Variants in ZNF460 observed in about 807,000 individuals in gnomAD.
The protein encoded by ZNF460 is zinc finger protein 272.
Under a neutral mutation model 8.4 loss-of-function variants are expected in ZNF460, and 1 was observed. The ratio of observed to expected loss-of-function variants is 0.12; its 90% CI spans 0.04 to 0.56. The LOEUF (loss-of-function observed/expected upper bound fraction) is 0.56. Among genes scored for constraint, ZNF460 ranks in the 20% least tolerant of loss-of-function variants. The pLI is 0.91. For missense variants in ZNF460, 477 were observed against 714.8 expected (o/e 0.67, Z 3.79); for synonymous variants, 262 against 259.9 (o/e 1.01, Z -0.08).
In ZNF460 at chr19:57,292,208, T is replaced by C; in HGVS notation, c.1667T>C (p.Val556Ala). ...SSSLDINGFI[V>A]EETLPL ...TCACTCGACATCAACGGATTCATAG[T>C]GGAAGAAACCCTACCATTGTAACAG... is the stretch of plus-strand genomic sequence containing the variant. The change falls in exon 3 of 3, where the codon GTG becomes GCG. Residue 556 changes from valine to alanine, a missense_variant. Physicochemically the swap from Val to Ala is moderately conservative, Grantham distance 64. This residue lies in a region of ZNF460 where 83 missense variants were observed against 82.3 expected (regional missense o/e 1.01). Transcript: ENST00000360338. The C allele has an allele frequency of 3.1e-6, 5 of 1,612,742 alleles. No homozygotes were observed. The highest frequency in any genetic ancestry group is 4.2e-6 in the Non-Finnish European group (5 of 1,178,864).
chr19:57,284,838 CAG>C (rs1185282499), intron 2 of ZNF460, among the ~76,000 whole-genome samples, 161 bp downstream of exon 2: 1 of 137,064 alleles, frequency 7.3e-6, no homozygotes, highest in African/African-American at 2.9e-5. Context: ...TTTTTGGAGA[CAG>C]AGTTTCGCTC....
Position 57,280,664 on chromosome 19 carries a change from C to T in ZNF460, c.-143C>T. 2 of 1,232,252 alleles carry T rather than the reference C, an allele frequency of 1.6e-6. No individual in the cohort carries two copies. The highest frequency in any genetic ancestry group is 2.8e-4 in the Middle Eastern group (1 of 3,588). 76.3% of individuals were successfully genotyped at this position (1,232,252 alleles called of 1,614,324 possible). A position where few individuals can be genotyped will look rare whatever the true frequency, so the allele number is the denominator to read the frequency against. ...CTAGGCCTCCGCAGCCGCCCTCCGT[C>T]TCCTCAGCCCCGACGCTGCGCCTTG... On this transcript the variant is annotated 5_prime_UTR_variant, in exon 1 of 3. Transcript: ENST00000360338.
chr19:57,283,704 G>T (rs1231080504), intron 1 of ZNF460, among the ~76,000 whole-genome samples: 1 of 150,742 alleles, frequency 6.6e-6, no homozygotes, highest in East Asian at 2.0e-4. Context: ...GTCTCACCAT[G>T]TTGGCCAGGC....
At chr19:57,284,064 G>A (rs1310150420) in intron 1 of ZNF460, among the ~76,000 whole-genome samples, 3 of 151,992 alleles carry the variant, frequency 2.0e-5, no homozygotes. Context: ...TGGTGGTGAT[G>A]TTTTTATTAT....
intron 1 of ZNF460, among the ~76,000 whole-genome samples, chr19:57,282,438 G>A (rs2087847172): frequency 6.6e-6 from 1 of 152,146 alleles, no homozygotes; most frequent in African/African-American, 2.4e-5. Flanking sequence ...GGAAGCGATG[G>A]CTCATTGTGA....
At chr19:57,282,511 C>G (rs1962935995) in intron 1 of ZNF460, among the ~76,000 whole-genome samples, 1 of 152,198 alleles carries the variant, frequency 6.6e-6, no homozygotes, top group South Asian at 2.1e-4. Context: ...TCAGGTGATT[C>G]TTTGGTGAGG....
Position 57,282,264 on chromosome 19 carries a change from T to G in ZNF460, c.30+1428T>G, listed in dbSNP as rs138423422. Among the ~76,000 whole-genome samples, 3 of 152,256 alleles carry G rather than the reference T, an allele frequency of 2.0e-5. No individual in the cohort carries two copies. In the East Asian group the frequency reaches 5.8e-4, roughly 29 times the overall value. Reference sequence around the variant, plus strand: ...ATTCTGAGAGGGCACGTTTGTATGGTTATGTTGCTGAATGTACCCTCCTAC... The same window carrying G: ...ATTCTGAGAGGGCACGTTTGTATGGGTATGTTGCTGAATGTACCCTCCTAC... On this transcript the variant is annotated intron_variant, in intron 1 of 2. Transcript: ENST00000360338.
intron 1 of ZNF460, among the ~76,000 whole-genome samples, chr19:57,282,655 C>T (rs1036285514): frequency 3.3e-5 from 5 of 152,096 alleles, no homozygotes; most frequent in East Asian, 1.9e-4. Context: ...CATAATCAGA[C>T]CAGAGGGCCC....
At position 57,291,320 on chromosome 19, in the gene ZNF460, C is replaced by T; in HGVS notation, c.779C>T (p.Thr260Ile). The change falls in exon 3 of 3, where the codon ACC becomes ATC. Residue 260 changes from threonine to isoleucine, a missense_variant. This residue lies in a region of ZNF460 where 193 missense variants were observed against 391.7 expected (regional missense o/e 0.49). Transcript: ENST00000360338. The surrounding 1 kb of genome is among the most constrained non-coding windows in gnomAD (Gnocchi z 8.4). ...KPFVCSECGRTFNRGSHLTRH... is the reference protein window; with the variant it reads ...KPFVCSECGRIFNRGSHLTRH... Reference sequence around the variant, plus strand: ...TTTGTGTGCAGTGAATGTGGAAGGACCTTCAATCGCGGGTCGCACCTTACA... The same window carrying T: ...TTTGTGTGCAGTGAATGTGGAAGGATCTTCAATCGCGGGTCGCACCTTACA... The T allele has an allele frequency of 6.2e-7, 1 of 1,613,612 alleles. No individual in the cohort carries two copies. The highest frequency in any genetic ancestry group is 8.5e-7 in the Non-Finnish European group (1 of 1,179,930).
chr19:57,286,454 C>A (rs983294042), intron 2 of ZNF460, among the ~76,000 whole-genome samples: 1 of 152,070 alleles, frequency 6.6e-6, no homozygotes, highest in Non-Finnish European at 1.5e-5. Context: ...CCTTGGGCTT[C>A]CATATTCTCT....
At chr19:57,284,368 C>A (rs975733590) in intron 1 of ZNF460, among the ~76,000 whole-genome samples, 183 bp from the exon 2 acceptor site, 1 of 152,094 alleles carries the variant, frequency 6.6e-6, no homozygotes, top group African/African-American at 2.4e-5. Flanking sequence ...CTCTTCACTG[C>A]TGTAATCCAT....
rs373571217 is a variant in ZNF460 at position 57,290,920 on chromosome 19, G to A, written c.379G>A (p.Glu127Lys). ...KLHGKMSLEH[E>K]GLATADGICS... is the part of the protein sequence containing the mutation. Reference sequence around the variant, plus strand: ...CCATGGGAAAATGAGCCTTGAACACGAAGGTTTGGCGACAGCTGATGGTAT... The same window carrying A: ...CCATGGGAAAATGAGCCTTGAACACAAAGGTTTGGCGACAGCTGATGGTAT... Residue 127 changes from glutamate to lysine, a missense_variant, in exon 3 of 3, where the codon GAA (glutamate) becomes AAA (lysine). This residue lies in a region of ZNF460 where 169 missense variants were observed against 178.6 expected (regional missense o/e 0.95). Transcript: ENST00000360338. 1.3e-4 allele frequency: 206 copies of A among 1,614,094 alleles called. No homozygotes were observed. Among genetic ancestry groups the A allele is most frequent in the Non-Finnish European group, 1.7e-4 (198 of 1,180,058 alleles).
At chr19:57,284,360 C>T (rs140829626) in intron 1 of ZNF460, among the ~76,000 whole-genome samples, 191 bp from the exon 2 acceptor site, 5 of 152,150 alleles carry the variant, frequency 3.3e-5, no homozygotes, top group African/African-American at 1.2e-4. Flanking sequence ...TCTGTCTCCT[C>T]TTCACTGCTG....
In ZNF460 at chr19:57,291,784, A is replaced by T; in HGVS notation, c.1243A>T (p.Thr415Ser). The T allele has an allele frequency of 6.2e-7, 1 of 1,614,182 alleles. No homozygotes were observed. The highest frequency in any genetic ancestry group is 8.5e-7 in the Non-Finnish European group (1 of 1,180,032). Reference protein sequence around the residue: ...KDLIRHFNIHTGEKPYECLQC... With the variant: ...KDLIRHFNIHSGEKPYECLQC... The stretch of plus-strand genomic sequence containing the variant: ...CCTCATTCGACACTTCAACATCCAC[A>T]CTGGAGAGAAGCCCTATGAGTGTTT... The change falls in exon 3 of 3, where the codon ACT becomes TCT. Residue 415 changes from threonine (T) to serine (S), a missense_variant. Physicochemically the swap from Thr to Ser is moderately conservative, Grantham distance 58. This residue lies in a region of ZNF460 where 193 missense variants were observed against 391.7 expected (regional missense o/e 0.49). Coordinates refer to ENST00000360338, the MANE Select transcript of ZNF460 (RefSeq NM_006635.4). This position sits in a 1 kb window ranked among gnomAD's most constrained non-coding sequence, Gnocchi z 8.4.
At position 57,291,298 on chromosome 19, in the gene ZNF460, G is replaced by T. The variant is rs752335930; in HGVS notation, c.757G>T (p.Val253Leu). The part of the protein sequence containing the change: ...QRTHNGDKPF[V>L]CSECGRTFNR... ...GACTCACAATGGAGATAAGCCCTTT[G>T]TGTGCAGTGAATGTGGAAGGACCTT... Residue 253 changes from valine (V) to leucine (L), a missense_variant, in exon 3 of 3, where the codon GTG becomes TTG. Coordinates refer to ENST00000360338, the MANE Select transcript of ZNF460 (RefSeq NM_006635.4). This position sits in a 1 kb window ranked among gnomAD's most constrained non-coding sequence, Gnocchi z 8.4. 8.1e-6 allele frequency: 13 copies of T among 1,613,898 alleles called. No homozygotes were observed. The highest frequency in any genetic ancestry group is 1.1e-5 in the Non-Finnish European group (13 of 1,180,022).
Position 57,290,813 on chromosome 19 carries a change from G to C in ZNF460, c.272G>C (p.Gly91Ala). ...GGAGTCCCAAGATACTCCTATTTGGGGCAGGCCATGGATCAAGATGGGCCA... is the reference window on the plus strand; with the variant it reads ...GGAGTCCCAAGATACTCCTATTTGGCGCAGGCCATGGATCAAGATGGGCCA... ...AQGVPRYSYL[G>A]QAMDQDGPSE... is the part of the protein sequence containing the mutation. Residue 91 changes from glycine (G) to alanine (A), a missense_variant, in exon 3 of 3, where the codon GGG (glycine) becomes GCG (alanine). By Grantham distance (60) the Gly-to-Ala change is moderately conservative. Coordinates refer to ENST00000360338, the MANE Select transcript of ZNF460 (RefSeq NM_006635.4). The C allele has an allele frequency of 6.2e-7, 1 of 1,614,148 alleles. No homozygotes were observed. Among genetic ancestry groups the C allele is most frequent in the Non-Finnish European group, 8.5e-7 (1 of 1,180,044 alleles).
chr19:57,281,555 A>AT lies in ZNF460; in HGVS notation c.30+719_30+720insT, dbSNP rs1568497980. On this transcript the variant is annotated intron_variant, in intron 1 of 2. Transcript: ENST00000360338. ...TAACCCTCAGTTCGTTTAACCCTGA[A>AT]ATTTTTTTTTTTTTTTTTTTTTTTT... 6.0e-4 allele frequency among the ~76,000 whole-genome samples: 80 copies of AT among 133,054 alleles called. 2 individuals are homozygous for AT. In the East Asian group the frequency reaches 0.015, roughly 25 times the overall value. 87.3% of individuals were successfully genotyped at this position (133,054 alleles called of 152,430 possible). A position where few individuals can be genotyped will look rare whatever the true frequency, so the allele number is the denominator to read the frequency against.
At chr19:57,280,999 G>C (rs2087834346) in intron 1 of ZNF460, among the ~76,000 whole-genome samples, 163 bp downstream of exon 1, 3 of 152,318 alleles carry the variant, frequency 2.0e-5, no homozygotes, top group Admixed American at 2.0e-4. Context: ...TCCTGCAACA[G>C]TGTTGGCCTC....
At chr19:57,284,504 T>C in intron 1 of ZNF460, 47 bp from the exon 2 acceptor site, 8 of 1,597,236 alleles carry the variant, frequency 5.0e-6, no homozygotes, top group Non-Finnish European at 6.8e-6. Flanking sequence ...TCTAATCCTA[T>C]TCCACAGTTG....
Sources: gnomAD v4.1 joint callset for allele counts (sites outside exome capture counted in the v4.1 genomes callset) on GRCh38, gnomAD v4.1.1 for gene constraint, gnomAD v4.1.1 regional missense constraint, Gnocchi (gnomAD v3.1) non-coding constraint, MANE v1.5 for transcripts, NCBI Gene and HGNC (gene_info 2026-07-23, HGNC 2026-07-21) for gene names.